Variants in MYOCD observed in about 807,000 individuals in gnomAD.
MYOCD encodes myocardin.
Under a neutral mutation model 96.1 loss-of-function variants are expected in MYOCD, and 32 were observed. The observed-to-expected ratio is 0.33, with a 90% CI of 0.25 to 0.45. MYOCD has a LOEUF of 0.45. Ranked by LOEUF, MYOCD falls within the 20% of genes least tolerant of loss-of-function variation. The pLI is 1.00. For synonymous variants in MYOCD, 469 were observed against 469.0 expected (o/e 1.00, Z 0.00); for missense variants, 1,133 against 1,200.6 (o/e 0.94, Z 0.83).
chr17:12,704,821 G>T (rs924125227), intron 1 of MYOCD: 10 of 244,548 alleles, frequency 4.1e-5, no homozygotes, highest in Non-Finnish European at 7.8e-5. Context: ...GGAATTAGAT[G>T]ATATTTATCT....
chr17:12,763,018 TGTG>T, intron 13 of MYOCD, 52 bp from the exon 14 acceptor site: 11 of 1,444,542 alleles, frequency 7.6e-6, no homozygotes, highest in Non-Finnish European at 1.0e-5. Context: ...ACTCATATTG[TGTG>T]GCATGCTCAA....
At chr17:12,747,771 A>G (rs998949160) in intron 9 of MYOCD, among the ~76,000 whole-genome samples, 2 of 152,196 alleles carry the variant, frequency 1.3e-5, no homozygotes. Context: ...TTTGCTACAC[A>G]AAAGGAAAAG....
At position 12,758,358 on chromosome 17, in the gene MYOCD, A is replaced by G. The variant is rs2033072830; in HGVS notation, c.2331+145A>G. The G allele has an allele frequency of 3.3e-6, 4 of 1,212,878 alleles. No homozygotes were observed. The Admixed American group carries it at 9.1e-5, about 28-fold the overall frequency. 75.1% of individuals were successfully genotyped at this position (1,212,878 alleles called of 1,614,324 possible). A position where few individuals can be genotyped will look rare whatever the true frequency, so the allele number is the denominator to read the frequency against. On this transcript the variant is annotated intron_variant, in intron 12 of 13. Coordinates refer to ENST00000425538, the MANE Select transcript of MYOCD (RefSeq NM_001146312.3). ...CCACCAAAATAAGCAAATTATCTAG[A>G]CAATAATTGGAAAACAGTGTTGCAT...
At position 12,766,338 on chromosome 17, in the gene MYOCD, C is replaced by T. The variant is rs1430420347; in HGVS notation, c.*2694C>T. Reference sequence around the variant, plus strand: ...TTTATGGGGATCTTTGAGGCTATGACCCAGGACTGATAGATATGCCTTACG... The same window carrying T: ...TTTATGGGGATCTTTGAGGCTATGATCCAGGACTGATAGATATGCCTTACG... On this transcript the variant is annotated 3_prime_UTR_variant, in exon 14 of 14. Transcript: ENST00000425538. The T allele has an allele frequency of 6.6e-6, 1 of 152,156 alleles. No homozygotes were observed. Among genetic ancestry groups the T allele is most frequent in the Non-Finnish European group, 1.5e-5 (1 of 68,036 alleles). 9.4% of individuals were successfully genotyped at this position (152,156 alleles called of 1,614,324 possible). A position where few individuals can be genotyped will look rare whatever the true frequency, so the allele number is the denominator to read the frequency against.
intron 1 of MYOCD, among the ~76,000 whole-genome samples, chr17:12,667,341 C>T (rs1246125562): frequency 6.6e-6 from 1 of 152,132 alleles, no homozygotes; most frequent in East Asian, 1.9e-4. Context: ...TTAGGATCTT[C>T]ATTGTTGATG....
chr17:12,682,472 A>C (rs1401535225), intron 1 of MYOCD, among the ~76,000 whole-genome samples: 1 of 152,244 alleles, frequency 6.6e-6, no homozygotes, highest in Non-Finnish European at 1.5e-5. Context: ...TGTCAAGGTC[A>C]AAGATTACAT....
At chr17:12,755,742 C>T (rs1025855038) in intron 10 of MYOCD, among the ~76,000 whole-genome samples, 2 of 152,100 alleles carry the variant, frequency 1.3e-5, no homozygotes, top group South Asian at 2.1e-4. Context: ...CGTGGTGGCA[C>T]GCGCCTGTAG....
At chr17:12,720,188 G>A (rs879341450) in intron 4 of MYOCD, 45 of 152,124 alleles carry the variant, frequency 3.0e-4, no homozygotes, top group Admixed American at 2.4e-3. Flanking sequence ...GACTAGGGTG[G>A]GAGGGCCAGT....
rs184581615 is a variant in MYOCD at position 12,743,404 on chromosome 17, G to A, written c.718-779G>A. ...TTCTAGATTTTCAAAGAAAATCTTA[G>A]TTTTATCTTAGTTTATGTCATTAAT... is the stretch of plus-strand genomic sequence containing the variant. On this transcript the variant is annotated intron_variant, in intron 7 of 13. Coordinates refer to ENST00000425538, the MANE Select transcript of MYOCD (RefSeq NM_001146312.3). Among the ~76,000 whole-genome samples, 299 of 147,692 alleles carry A rather than the reference G, an allele frequency of 2.0e-3. 4 individuals are homozygous for A. The highest frequency in any genetic ancestry group is 7.0e-3 in the African/African-American group (282 of 40,084).
At chr17:12,683,856 T>G (rs143352588) in intron 1 of MYOCD, among the ~76,000 whole-genome samples, 146 of 152,332 alleles carry the variant, frequency 9.6e-4, no homozygotes, top group African/African-American at 3.4e-3. Flanking sequence ...AAGACAGTGT[T>G]TGGACGTACA....
intron 1 of MYOCD, among the ~76,000 whole-genome samples, chr17:12,690,945 C>T (rs928339018): frequency 1.3e-4 from 20 of 152,140 alleles, no homozygotes; most frequent in African/African-American, 4.6e-4. Flanking sequence ...TGAGCAATCC[C>T]TTTTTAAAGC....
chr17:12,728,899 C>A (rs865848514), intron 5 of MYOCD, among the ~76,000 whole-genome samples: 17 of 152,346 alleles, frequency 1.1e-4, no homozygotes, highest in Middle Eastern at 3.4e-3. Flanking sequence ...CCCTCCGGGG[C>A]TGGTCCAGAA....
chr17:12,749,935 C>A (rs896466151), intron 9 of MYOCD, among the ~76,000 whole-genome samples: 3 of 151,912 alleles, frequency 2.0e-5, no homozygotes, highest in Non-Finnish European at 4.4e-5. Context: ...CTGCAAGCTC[C>A]GCCTTCCGGG....
At chr17:12,724,081 C>A (rs931535332) in intron 5 of MYOCD, among the ~76,000 whole-genome samples, 2 of 152,166 alleles carry the variant, frequency 1.3e-5, no homozygotes, top group Non-Finnish European at 2.9e-5. Flanking sequence ...TCTCCCTCCC[C>A]ACTAAATATC....
chr17:12,712,477 C>G lies in MYOCD; in HGVS notation c.122-3042C>G, dbSNP rs537283234. Reference sequence around the variant, plus strand: ...TGCCTTCAATGAGTTCTCTGTGGTTCCACGACCTGTCTTCTCCTTTTTCTG... The same window carrying G: ...TGCCTTCAATGAGTTCTCTGTGGTTGCACGACCTGTCTTCTCCTTTTTCTG... On this transcript the variant is annotated intron_variant, in intron 2 of 13. Coordinates refer to ENST00000425538, the MANE Select transcript of MYOCD (RefSeq NM_001146312.3). Among the ~76,000 whole-genome samples, 5 of 152,280 alleles carry G rather than the reference C, an allele frequency of 3.3e-5. No homozygotes were observed. The South Asian group carries it at 1.0e-3, about 32-fold the overall frequency.
At chr17:12,675,033 G>A (rs1000964508) in intron 1 of MYOCD, among the ~76,000 whole-genome samples, 22 of 151,900 alleles carry the variant, frequency 1.4e-4, no homozygotes, top group African/African-American at 4.6e-4. Flanking sequence ...GAAAATATAC[G>A]TGAGACAAAA....
At chr17:12,759,750 C>G (rs1014673448) in intron 12 of MYOCD, among the ~76,000 whole-genome samples, 1 of 152,166 alleles carries the variant, frequency 6.6e-6, no homozygotes, top group African/African-American at 2.4e-5. Context: ...CCATGAGGAA[C>G]CATCAAAATA....
At chr17:12,727,255 T>C (rs770528074) in intron 5 of MYOCD, among the ~76,000 whole-genome samples, 1 of 152,178 alleles carries the variant, frequency 6.6e-6, no homozygotes, top group African/African-American at 2.4e-5. Flanking sequence ...ACAGCAGTAA[T>C]GGGCAATTGA....
intron 7 of MYOCD, 65 bp downstream of exon 7, chr17:12,739,393 A>G (rs1167481137): frequency 6.8e-7 from 1 of 1,477,078 alleles, no homozygotes; most frequent in African/African-American, 1.4e-5. Flanking sequence ...CTTGGAGCAG[A>G]ACTTTCTGAG....
Sources: gnomAD v4.1 joint callset for allele counts (sites outside exome capture counted in the v4.1 genomes callset) on GRCh38, gnomAD v4.1.1 for gene constraint, MANE v1.5 for transcripts, NCBI Gene and HGNC (gene_info 2026-07-23, HGNC 2026-07-21) for gene names.